SH2B3: variants seen among roughly 807,000 people sequenced by gnomAD.
SH2B3 encodes SH2B adaptor protein 3, also known as SH2B adapter protein 3.
A neutral mutation model predicts 51.9 loss-of-function variants in SH2B3; 43 were observed. The ratio of observed to expected loss-of-function variants is 0.83; its 90% confidence interval spans 0.65 to 1.07. SH2B3 has a LOEUF of 1.07. Among genes scored for constraint, SH2B3 ranks in the 50% least tolerant of loss-of-function variants. SH2B3 has a pLI of 0.00. For missense variants in SH2B3, 952 were observed against 834.3 expected (o/e 1.14, Z -1.74); for synonymous variants, 396 against 376.0 (o/e 1.05, Z -0.62).
At chr12:111,446,472 C>CGG (rs1873963285) in intron 2 of SH2B3, among the ~76,000 whole-genome samples, 2 of 152,350 alleles carry the variant, frequency 1.3e-5, no homozygotes. Flanking sequence ...AAACGGATGT[C>CGG]AGACACATGG....
intron 1 of SH2B3, among the ~76,000 whole-genome samples, chr12:111,412,928 T>C (rs544645394): frequency 6.6e-6 from 1 of 152,310 alleles, no homozygotes; most frequent in African/African-American, 2.4e-5. Flanking sequence ...ATTGGTGGGT[T>C]TGGGACCTGG....
rs114405433 is a variant in SH2B3 at position 111,446,222 on chromosome 12, T to C, written c.733-531T>C. Among the ~76,000 whole-genome samples the C allele has an allele frequency of 1.9e-3, 297 of 152,334 alleles. 1 individual carries two copies. The highest frequency in any genetic ancestry group is 6.8e-3 in the African/African-American group (283 of 41,580). Reference sequence around the variant, plus strand: ...GCACAGGAAGCATCTGCAGGGTCAGTTGAGACCTGGGAGCAGGTTTCCTGC... The same window carrying C: ...GCACAGGAAGCATCTGCAGGGTCAGCTGAGACCTGGGAGCAGGTTTCCTGC... On this transcript the variant is annotated intron_variant, in intron 2 of 7. Transcript: ENST00000341259.
At position 111,449,408 on chromosome 12, in the gene SH2B3, G is replaced by A. The variant is rs1874377393; in HGVS notation, c.*1106G>A. 6.6e-6 allele frequency: 1 copy of A among 152,168 alleles called. No homozygotes were observed. Among genetic ancestry groups the A allele is most frequent in the Non-Finnish European group, 1.5e-5 (1 of 68,034 alleles). The allele number at this position is 152,168 out of a possible 1,614,324, so 9.4% of individuals were successfully genotyped here. A position where few individuals can be genotyped will look rare whatever the true frequency, so the allele number is the denominator to read the frequency against. ...AGCCAAAATGGAAGCTGGGAATCTG[G>A]TGCCATAACTAATGAGAAACTCCTT... On this transcript the variant is annotated 3_prime_UTR_variant, in exon 8 of 8. Coordinates refer to ENST00000341259, the MANE Select transcript of SH2B3 (RefSeq NM_005475.3).
At chr12:111,412,109 C>T (rs941620921) in intron 1 of SH2B3, among the ~76,000 whole-genome samples, 1 of 152,184 alleles carries the variant, frequency 6.6e-6, no homozygotes, top group Non-Finnish European at 1.5e-5. Context: ...GTCCCCCTGG[C>T]GTGATCATCA....
In SH2B3 at chr12:111,451,300, G is replaced by A. The variant is rs1392130846; in HGVS notation, c.*2998G>A. ...GTCAAGGCCTTGGACTCTTCCCTGA[G>A]GGTTGCCTGAGATTCCTTCATGCTT... On this transcript the variant is annotated 3_prime_UTR_variant, in exon 8 of 8. Coordinates refer to ENST00000341259, the MANE Select transcript of SH2B3 (RefSeq NM_005475.3). The A allele has an allele frequency of 6.6e-6, 1 of 152,636 alleles. No individual in the cohort carries two copies. Among genetic ancestry groups the A allele is most frequent in the African/African-American group, 2.4e-5 (1 of 41,452 alleles). 9.5% of individuals were successfully genotyped at this position (152,636 alleles called of 1,614,324 possible). A position where few individuals can be genotyped will look rare whatever the true frequency, so the allele number is the denominator to read the frequency against.
In SH2B3 at chr12:111,418,813, C is replaced by G; in HGVS notation, c.668C>G (p.Ala223Gly). The G allele has an allele frequency of 7.0e-7, 1 of 1,434,112 alleles. No homozygotes were observed. The highest frequency in any genetic ancestry group is 9.0e-7 in the Non-Finnish European group (1 of 1,106,478). The allele number at this position is 1,434,112 out of a possible 1,614,324, so 88.8% of individuals were successfully genotyped here. The change falls in exon 2 of 8, where the codon GCG becomes GGG. Residue 223 changes from alanine (A) to glycine (G), a missense_variant. Coordinates refer to ENST00000341259, the MANE Select transcript of SH2B3 (RefSeq NM_005475.3). The surrounding 1 kb of genome is among the most constrained non-coding windows in gnomAD (Gnocchi z 6.7). ...GCACGCTGGCAGCGCGGGAGGCTGGCGCTGCGCCGGGCCCCGGGCCCCGAT... is the reference window on the plus strand; with the variant it reads ...GCACGCTGGCAGCGCGGGAGGCTGGGGCTGCGCCGGGCCCCGGGCCCCGAT... ...SGARWQRGRL[A>G]LRRAPGPDGP...
At position 111,448,634 on chromosome 12, in the gene SH2B3, T is replaced by C; in HGVS notation, c.*332T>C. ...AGGGCCAGAGCTGGCAGTGGAAACTTGTTCTCTTTTTCACTGACACTGTCA... is the reference window on the plus strand; with the variant it reads ...AGGGCCAGAGCTGGCAGTGGAAACTCGTTCTCTTTTTCACTGACACTGTCA... On this transcript the variant is annotated 3_prime_UTR_variant, in exon 8 of 8. Transcript: ENST00000341259. 1 of 270,078 alleles carries C rather than the reference T, an allele frequency of 3.7e-6. No homozygotes were observed. Among genetic ancestry groups the C allele is most frequent in the Non-Finnish European group, 7.1e-6 (1 of 141,028 alleles). The allele number at this position is 270,078 out of a possible 1,614,324, so 16.7% of individuals were successfully genotyped here.
rs538846305 is a variant in SH2B3 at position 111,407,031 on chromosome 12, C to G, written c.-28+754C>G. On this transcript the variant is annotated intron_variant, in intron 1 of 7. Coordinates refer to ENST00000341259, the MANE Select transcript of SH2B3 (RefSeq NM_005475.3). The surrounding 1 kb of genome is among the most constrained non-coding windows in gnomAD (Gnocchi z 4.3). ...GGTCTCTGATGCCTGGTGCAGAAAT[C>G]CCCTTCCCTCCCTTCCCTCCCTCCG... 2.6e-5 allele frequency among the ~76,000 whole-genome samples: 4 copies of G among 152,296 alleles called. No homozygotes were observed. The highest frequency in any genetic ancestry group is 4.1e-4 in the South Asian group (2 of 4,828).
rs1371763112 is a variant in SH2B3, at chr12:111,451,081, AAACT to A, written c.*2783_*2786del. 2.0e-5 allele frequency: 3 copies of A among 152,694 alleles called. No individual in the cohort carries two copies. Among genetic ancestry groups the A allele is most frequent in the Non-Finnish European group, 2.9e-5 (2 of 68,070 alleles). 9.5% of individuals were successfully genotyped at this position (152,694 alleles called of 1,614,324 possible). Reference sequence around the variant, plus strand: ...TTCATCTGACTTATTGAACTTTTACAAACTAACAGTCACCAGCACCAAAGAATTA... The same window carrying A: ...TTCATCTGACTTATTGAACTTTTACAAACAGTCACCAGCACCAAAGAATTA... On this transcript the variant is annotated 3_prime_UTR_variant, in exon 8 of 8. Transcript: ENST00000341259.
chr12:111,450,388 G>GTAA lies in SH2B3; in HGVS notation c.*2087_*2089dup, dbSNP rs1369185047. On this transcript the variant is annotated 3_prime_UTR_variant, in exon 8 of 8. Coordinates refer to ENST00000341259, the MANE Select transcript of SH2B3 (RefSeq NM_005475.3). Reference sequence around the variant, plus strand: ...ATGCTAATTAGTGTGAACCAAAAGAGTAAGTAAGAGTCTGAAGTTTTTTTA... The same window carrying GTAA: ...ATGCTAATTAGTGTGAACCAAAAGAGTAATAAGTAAGAGTCTGAAGTTTTTTTA... 1 of 152,216 alleles carries GTAA rather than the reference G, an allele frequency of 6.6e-6. No homozygotes were observed. The highest frequency in any genetic ancestry group is 1.5e-5 in the Non-Finnish European group (1 of 68,032). The allele number at this position is 152,216 out of a possible 1,614,324, so 9.4% of individuals were successfully genotyped here.
At chr12:111,420,421 C>G (rs1871448228) in intron 2 of SH2B3, among the ~76,000 whole-genome samples, 1 of 150,516 alleles carries the variant, frequency 6.6e-6, no homozygotes, top group Non-Finnish European at 1.5e-5. Flanking sequence ...GGCTTAATTC[C>G]TACTGTGCTG....
chr12:111,414,379 C>T (rs1459900351), intron 1 of SH2B3, among the ~76,000 whole-genome samples: 3 of 151,948 alleles, frequency 2.0e-5, no homozygotes, highest in Non-Finnish European at 4.4e-5. Context: ...GCTGCTTGAG[C>T]CCAGGAGTTT....
chr12:111,417,135 T>C (rs1430713039), intron 1 of SH2B3, among the ~76,000 whole-genome samples: 2 of 152,230 alleles, frequency 1.3e-5, no homozygotes, highest in Non-Finnish European at 2.9e-5. Flanking sequence ...TTCCTCACTC[T>C]TTCCCCCTGA....
rs1871211578 is a variant in SH2B3, at chr12:111,418,088, C to T, written c.-27-31C>T. On this transcript the variant is annotated intron_variant, in intron 1 of 7. Coordinates refer to ENST00000341259, the MANE Select transcript of SH2B3 (RefSeq NM_005475.3). The surrounding 1 kb of genome is among the most constrained non-coding windows in gnomAD (Gnocchi z 6.7). ...CACCTGCTTGCCCACCTGCTTACTC[C>T]TTGTCGCCCCCCCACCCACGTGTCT... 2.7e-6 allele frequency: 4 copies of T among 1,466,830 alleles called. No individual in the cohort carries two copies. Among genetic ancestry groups the T allele is most frequent in the Admixed American group, 2.5e-5 (1 of 40,576 alleles). 90.9% of individuals were successfully genotyped at this position (1,466,830 alleles called of 1,614,324 possible).
Position 111,448,294 on chromosome 12 carries a change from CCT to C in SH2B3, c.1725_1726del (p.Ter576ThrfsTer75). 6.3e-7 allele frequency: 1 copy of C among 1,597,790 alleles called. No individual in the cohort carries two copies. The highest frequency in any genetic ancestry group is 8.6e-7 in the Non-Finnish European group (1 of 1,167,200). Reference protein sequence around the residue: ...HLRAIDNQYTPL With the variant: ...HLRAIDNQYTXL ...GCGGGCCATAGACAATCAGTACACA[CCT>C]CTCTGACCAGTGAGGAATTCCAGGC... On this transcript the variant is annotated frameshift_variant, in exon 8 of 8. Coordinates refer to ENST00000341259, the MANE Select transcript of SH2B3 (RefSeq NM_005475.3). LOFTEE classifies it high-confidence loss of function.
rs757385891 is a variant in SH2B3 at position 111,418,944 on chromosome 12, G to A, written c.732+67G>A. 6 of 1,320,268 alleles carry A rather than the reference G, an allele frequency of 4.5e-6. No individual in the cohort carries two copies. The highest frequency in any genetic ancestry group is 5.8e-6 in the Non-Finnish European group (6 of 1,032,684). The allele number at this position is 1,320,268 out of a possible 1,614,324, so 81.8% of individuals were successfully genotyped here. Reference sequence around the variant, plus strand: ...CCTTCGCCTTCACCCTGGGGAGAGCGCGGGCTGGGGAGGTGTGATGGCTTT... The same window carrying A: ...CCTTCGCCTTCACCCTGGGGAGAGCACGGGCTGGGGAGGTGTGATGGCTTT... On this transcript the variant is annotated intron_variant, in intron 2 of 7. Coordinates refer to ENST00000341259, the MANE Select transcript of SH2B3 (RefSeq NM_005475.3). The surrounding 1 kb of genome is among the most constrained non-coding windows in gnomAD (Gnocchi z 6.7).
At position 111,449,270 on chromosome 12, in the gene SH2B3, G is replaced by A. The variant is rs1406227807; in HGVS notation, c.*968G>A. ...GAAGAGCAAGCAAAAAGGGAAGAAG[G>A]ACTCCTAGGCCCTTTCTAGTAAATC... On this transcript the variant is annotated 3_prime_UTR_variant, in exon 8 of 8. Coordinates refer to ENST00000341259, the MANE Select transcript of SH2B3 (RefSeq NM_005475.3). The A allele has an allele frequency of 1.3e-5, 2 of 152,314 alleles. No homozygotes were observed. Among genetic ancestry groups the A allele is most frequent in the Admixed American group, 6.5e-5 (1 of 15,272 alleles). The allele number at this position is 152,314 out of a possible 1,614,324, so 9.4% of individuals were successfully genotyped here.
chr12:111,445,408 G>A (rs1477020972), intron 2 of SH2B3, among the ~76,000 whole-genome samples: 1 of 152,234 alleles, frequency 6.6e-6, no homozygotes, highest in Non-Finnish European at 1.5e-5. Context: ...TGCACACTGC[G>A]CTGTGTCCAG....
rs575810282 is a variant in SH2B3 at position 111,434,988 on chromosome 12, C to T, written c.733-11765C>T. The T allele has an allele frequency of 1.1e-4, 167 of 1,535,666 alleles. 1 individual carries two copies. In the African/African-American group the frequency reaches 1.7e-3, roughly 16 times the overall value. On this transcript the variant is annotated intron_variant, in intron 2 of 7. Coordinates refer to ENST00000341259, the MANE Select transcript of SH2B3 (RefSeq NM_005475.3). ...TGGGAGCCCCTCCACCCCAGAAGCC[C>T]TTGCTCTCACCTCTTCTTCTGAATC...
Sources: allele counts gnomAD v4.1 joint callset (sites outside exome capture counted in the v4.1 genomes callset), GRCh38; gene constraint gnomAD v4.1.1; non-coding constraint Gnocchi (gnomAD v3.1); transcripts MANE v1.5; gene names NCBI Gene and HGNC (gene_info 2026-07-23, HGNC 2026-07-21).